The following ARMH4 variants were observed in gnomAD, a reference collection of about 807,000 sequenced individuals.
ARMH4 encodes the protein armadillo like helical domain containing 4.
A neutral mutation model predicts 61.9 loss-of-function variants in ARMH4; 49 were observed. The observed-to-expected ratio is 0.79, with a 90% CI of 0.63 to 1.00. ARMH4 has a LOEUF of 1.00. Ranked by LOEUF, ARMH4 falls within the 50% of genes least tolerant of loss-of-function variation. ARMH4 has a pLI of 0.00. For synonymous variants in ARMH4, 368 were observed against 341.5 expected (o/e 1.08, Z -0.85); for missense variants, 934 against 930.0 (o/e 1.00, Z -0.06).
At chr14:58,081,024 C>A (rs886216447) in intron 5 of ARMH4, among the ~76,000 whole-genome samples, 8 of 152,042 alleles carry the variant, frequency 5.3e-5, no homozygotes, top group Non-Finnish European at 8.8e-5. Flanking sequence ...ATCACTTGAA[C>A]CTGAGAGGCA....
Position 58,147,835 on chromosome 14 carries a change from C to T in ARMH4, c.-57+4240G>A, listed in dbSNP as rs77268630. Among the ~76,000 whole-genome samples, 734 of 152,212 alleles carry T rather than the reference C, an allele frequency of 4.8e-3. 7 individuals carry two copies. The highest frequency in any genetic ancestry group is 0.017 in the African/African-American group (704 of 41,534). ...CTAAGGGATAGTGTCTGTTTTTGAT[C>T]TTTTGGATTCTGTCAGAATTCAACG... is the stretch of plus-strand genomic sequence containing the variant. On this transcript the variant is annotated intron_variant, in intron 1 of 7. Coordinates refer to ENST00000267485, the MANE Select transcript of ARMH4 (RefSeq NM_001001872.4).
intron 5 of ARMH4, among the ~76,000 whole-genome samples, chr14:58,054,925 C>G (rs1884287463): frequency 6.6e-6 from 1 of 151,280 alleles, no homozygotes; most frequent in Non-Finnish European, 1.5e-5. Context: ...CATACCTCAC[C>G]ATTTAATTTC....
At chr14:58,111,296 A>T (rs1324405269) in intron 4 of ARMH4, among the ~76,000 whole-genome samples, 3 of 152,308 alleles carry the variant, frequency 2.0e-5, no homozygotes, top group African/African-American at 7.2e-5. Flanking sequence ...CAATATAGTA[A>T]CTCCTTAAAA....
intron 5 of ARMH4, among the ~76,000 whole-genome samples, chr14:58,095,489 G>A (rs1179884937): frequency 6.6e-6 from 1 of 152,126 alleles, no homozygotes; most frequent in East Asian, 1.9e-4. Flanking sequence ...ATCTTATTTT[G>A]TGTTTGTTTT....
chr14:58,123,009 C>T (rs1265136466), intron 4 of ARMH4, among the ~76,000 whole-genome samples: 1 of 152,180 alleles, frequency 6.6e-6, no homozygotes, highest in East Asian at 1.9e-4. Flanking sequence ...ACAGCCTTCT[C>T]GGTCTTACTC....
At chr14:58,102,994 G>A (rs1886051362) in intron 4 of ARMH4, among the ~76,000 whole-genome samples, 2 of 151,782 alleles carry the variant, frequency 1.3e-5, no homozygotes, top group South Asian at 2.1e-4. Context: ...TTAGCTGGAC[G>A]TGGTGATGCA....
At chr14:58,052,431 A>C (rs74057613) in intron 5 of ARMH4, among the ~76,000 whole-genome samples, 2,274 of 151,966 alleles carry the variant, frequency 0.015, 54 homozygotes, top group African/African-American at 0.052. Context: ...CATTCTAAAA[A>C]TACTAGATTC....
chr14:58,025,563 A>C (rs1882993600), intron 5 of ARMH4, among the ~76,000 whole-genome samples: 1 of 152,318 alleles, frequency 6.6e-6, no homozygotes, highest in Non-Finnish European at 1.5e-5. Flanking sequence ...CTACAATGTC[A>C]AGAAATAAAT....
chr14:58,115,977 G>A (rs1039643236), intron 4 of ARMH4: 2 of 152,134 alleles, frequency 1.3e-5, no homozygotes, highest in African/African-American at 4.8e-5. Flanking sequence ...CTACCTGAGT[G>A]ATGGGATCAT....
intron 4 of ARMH4, among the ~76,000 whole-genome samples, chr14:58,122,620 T>C (rs1374674856): frequency 6.6e-6 from 1 of 151,340 alleles, no homozygotes; most frequent in African/African-American, 2.4e-5. Context: ...GGACAAACGG[T>C]ATAAAAAAAA....
At chr14:58,113,498 A>C (rs553556931) in intron 4 of ARMH4, among the ~76,000 whole-genome samples, 11 of 152,144 alleles carry the variant, frequency 7.2e-5, no homozygotes, top group Non-Finnish European at 1.6e-4. Flanking sequence ...TGTGTGATAC[A>C]TGTGTTTCCT....
chr14:58,098,149 A>C (rs1885822057), intron 4 of ARMH4, among the ~76,000 whole-genome samples: 1 of 152,164 alleles, frequency 6.6e-6, no homozygotes, highest in African/African-American at 2.4e-5. Context: ...GAGCCACCCA[A>C]GAATTGTGAG....
At chr14:58,044,155 A>T (rs1307546071) in intron 5 of ARMH4, among the ~76,000 whole-genome samples, 2 of 152,202 alleles carry the variant, frequency 1.3e-5, no homozygotes, top group Non-Finnish European at 2.9e-5. Flanking sequence ...CCGCATTGCC[A>T]AATCAATCCT....
intron 5 of ARMH4, among the ~76,000 whole-genome samples, chr14:58,095,355 T>C (rs1273060529): frequency 6.6e-6 from 1 of 152,034 alleles, no homozygotes; most frequent in Non-Finnish European, 1.5e-5. Context: ...GTGTCTGTTT[T>C]TAACCTGTTC....
At chr14:58,041,664 G>C (rs10135638) in intron 5 of ARMH4, among the ~76,000 whole-genome samples, 80,097 of 151,878 alleles carry the variant, frequency 0.53, 21,331 homozygotes, top group East Asian at 0.68. Flanking sequence ...TGGATAAAGA[G>C]TCAAGACCCA....
chr14:58,115,893 A>G (rs547263159), intron 4 of ARMH4, among the ~76,000 whole-genome samples: 2 of 152,138 alleles, frequency 1.3e-5, no homozygotes, highest in Non-Finnish European at 2.9e-5. Flanking sequence ...AACAACAGAC[A>G]CTGGGGCCTA....
chr14:58,125,138 G>A (rs374499262), intron 4 of ARMH4, among the ~76,000 whole-genome samples: 1 of 151,960 alleles, frequency 6.6e-6, no homozygotes, highest in African/African-American at 2.4e-5. Flanking sequence ...AAACCACCAA[G>A]TGGACATTGA....
intron 1 of ARMH4, among the ~76,000 whole-genome samples, chr14:58,140,530 G>A (rs1002143851): frequency 1.3e-5 from 2 of 151,660 alleles, no homozygotes; most frequent in Non-Finnish European, 2.9e-5. Flanking sequence ...GCAGTGAGCT[G>A]AGATCATGCC....
chr14:58,041,957 A>T (rs1436862719), intron 5 of ARMH4, among the ~76,000 whole-genome samples: 1 of 152,136 alleles, frequency 6.6e-6, no homozygotes, highest in Non-Finnish European at 1.5e-5. Flanking sequence ...AAGTCCTTAG[A>T]GACCTACAAA....
Sources: gnomAD v4.1 joint callset for allele counts (sites outside exome capture counted in the v4.1 genomes callset) on GRCh38, gnomAD v4.1.1 for gene constraint, MANE v1.5 for transcripts, NCBI Gene and HGNC (gene_info 2026-07-23, HGNC 2026-07-21) for gene names.